STPG2: variants seen among roughly 807,000 people sequenced by gnomAD.
STPG2 encodes the protein sperm tail PG-rich repeat containing 2.
A neutral mutation model predicts 54.2 loss-of-function variants in STPG2; 56 were observed. The ratio of observed to expected loss-of-function variants is 1.03; its 90% CI spans 0.83 to 1.29. The LOEUF is 1.29. Among genes scored for constraint, STPG2 ranks in the 50% most tolerant of loss-of-function variants. STPG2 has a pLI of 0.00. For synonymous variants in STPG2, 200 were observed against 181.8 expected, an observed-to-expected ratio of 1.10 and a Z score of -0.81; for missense variants, 596 against 544.9, an observed-to-expected ratio of 1.09 and a Z score of -0.93.
intron 9 of STPG2, among the ~76,000 whole-genome samples, chr4:97,742,565 G>GTGTGTGTA (rs139609147): frequency 4.2e-5 from 5 of 118,214 alleles, no homozygotes; most frequent in African/African-American, 1.7e-4. Context: ...GTGTGTGTGT[G>GTGTGTGTA]TCTATATATA....
chr4:97,926,589 A>G (rs1026082667), intron 8 of STPG2, among the ~76,000 whole-genome samples: 11 of 152,164 alleles, frequency 7.2e-5, no homozygotes, highest in Admixed American at 7.2e-4. Context: ...AATGTTTCCG[A>G]AGTAAAACAC....
At chr4:98,077,438 G>T (rs148698005) in intron 5 of STPG2, among the ~76,000 whole-genome samples, 10 of 152,164 alleles carry the variant, frequency 6.6e-5, no homozygotes, top group African/African-American at 2.2e-4. Flanking sequence ...GGGTTTCACC[G>T]TGTTAGCCAG....
At chr4:97,519,624 C>T (rs1048449759) in intron 4 of STPG2, among the ~76,000 whole-genome samples, 1 of 152,038 alleles carries the variant, frequency 6.6e-6, no homozygotes, top group Non-Finnish European at 1.5e-5. Context: ...CCTCTGCAAA[C>T]TCTAGCATAG....
At chr4:97,577,432 C>A (rs1169109355) in intron 10 of STPG2, among the ~76,000 whole-genome samples, 1 of 152,100 alleles carries the variant, frequency 6.6e-6, no homozygotes, top group Non-Finnish European at 1.5e-5. Flanking sequence ...ACACTTTTTG[C>A]AGCAACATGG....
chr4:97,873,052 G>A (rs1400250803), intron 8 of STPG2, among the ~76,000 whole-genome samples: 1 of 151,200 alleles, frequency 6.6e-6, no homozygotes, highest in African/African-American at 2.4e-5. Context: ...AGCACACAGA[G>A]CTAGGAAAAA....
At chr4:98,116,068 A>G (rs558469902) in intron 3 of STPG2, among the ~76,000 whole-genome samples, 31 of 152,086 alleles carry the variant, frequency 2.0e-4, no homozygotes, top group Non-Finnish European at 4.1e-4. Flanking sequence ...CATCAAATAA[A>G]TTAGGTCATC....
At chr4:97,907,720 T>A (rs1016664064) in intron 8 of STPG2, among the ~76,000 whole-genome samples, 1 of 152,186 alleles carries the variant, frequency 6.6e-6, no homozygotes, top group Non-Finnish European at 1.5e-5. Flanking sequence ...GCCACTTATC[T>A]ACAACCATCT....
At chr4:97,856,336 T>A (rs1578626736) in intron 8 of STPG2, among the ~76,000 whole-genome samples, 1 of 152,338 alleles carries the variant, frequency 6.6e-6, no homozygotes, top group South Asian at 2.1e-4. Context: ...CTCTCTTATA[T>A]GAGCAGTGAT....
chr4:97,740,303 C>G (rs1295861730), intron 9 of STPG2, among the ~76,000 whole-genome samples: 1 of 152,264 alleles, frequency 6.6e-6, no homozygotes, highest in East Asian at 1.9e-4. Flanking sequence ...AAAACTGGCA[C>G]AAGACAGGGA....
intron 5 of STPG2, among the ~76,000 whole-genome samples, chr4:98,048,298 G>A (rs908830242): frequency 1.1e-4 from 17 of 152,106 alleles, no homozygotes; most frequent in African/African-American, 4.1e-4. Context: ...AGGTTTTCAA[G>A]AATAATAAGA....
intron 10 of STPG2, among the ~76,000 whole-genome samples, chr4:97,646,517 A>G (rs1721915401): frequency 6.6e-6 from 1 of 152,140 alleles, no homozygotes; most frequent in African/African-American, 2.4e-5. Context: ...TATAATGGAA[A>G]CCAGGAACAT....
chr4:97,745,411 C>T (rs1300604312), intron 9 of STPG2, among the ~76,000 whole-genome samples: 1 of 150,938 alleles, frequency 6.6e-6, no homozygotes, highest in East Asian at 1.9e-4. Context: ...AGAAGATAGC[C>T]TTAAAAACTA....
At chr4:98,058,388 A>G (rs1737544288) in intron 5 of STPG2, among the ~76,000 whole-genome samples, 1 of 152,236 alleles carries the variant, frequency 6.6e-6, no homozygotes, top group African/African-American at 2.4e-5. Context: ...AATGGAAAAC[A>G]GAAGAAAGCA....
intron 5 of STPG2, among the ~76,000 whole-genome samples, chr4:98,024,184 CT>C (rs1469809665): frequency 6.6e-6 from 1 of 152,174 alleles, no homozygotes; most frequent in Non-Finnish European, 1.5e-5. Flanking sequence ...TCCTTACCAA[CT>C]TCTTTCCTTT....
At chr4:97,572,657 C>G (rs1732629000) in intron 10 of STPG2, 1 of 152,092 alleles carries the variant, frequency 6.6e-6, no homozygotes, top group Non-Finnish European at 1.5e-5. Flanking sequence ...CAGGTAAGTT[C>G]AAGGATGTCG....
intron 10 of STPG2, among the ~76,000 whole-genome samples, chr4:97,635,218 G>C (rs1436266311): frequency 2.6e-5 from 4 of 152,096 alleles, no homozygotes; most frequent in Non-Finnish European, 5.9e-5. Context: ...TTTCAACCCA[G>C]AATTTCATAT....
chr4:98,083,573 C>T (rs757255660), intron 5 of STPG2, among the ~76,000 whole-genome samples: 1 of 152,092 alleles, frequency 6.6e-6, no homozygotes, highest in African/African-American at 2.4e-5. Flanking sequence ...TTTATCAATT[C>T]GTTCTTCAAA....
intron 8 of STPG2, among the ~76,000 whole-genome samples, chr4:97,914,393 A>G (rs1427048584): frequency 6.6e-6 from 1 of 152,214 alleles, no homozygotes; most frequent in Non-Finnish European, 1.5e-5. Flanking sequence ...AAAATAAAAT[A>G]CTAGGTCATG....
At chr4:98,059,104 C>T (rs1737567519) in intron 5 of STPG2, among the ~76,000 whole-genome samples, 1 of 150,756 alleles carries the variant, frequency 6.6e-6, no homozygotes, top group African/African-American at 2.4e-5. Flanking sequence ...GCTAGCTAGA[C>T]TAATAAAGAA....
Sources: allele counts gnomAD v4.1 joint callset (sites outside exome capture counted in the v4.1 genomes callset), GRCh38; gene constraint gnomAD v4.1.1; transcripts MANE v1.5; gene names NCBI Gene and HGNC (gene_info 2026-07-23, HGNC 2026-07-21).